The following OPCML variants were observed in gnomAD, a reference collection of about 807,000 sequenced individuals.
OPCML encodes the protein opioid binding protein/cell adhesion molecule like, also known as opioid-binding protein/cell adhesion molecule.
A neutral mutation model predicts 37.8 loss-of-function variants in OPCML; 13 were observed. The ratio of observed to expected loss-of-function variants is 0.34; its 90% CI spans 0.22 to 0.55. The LOEUF (loss-of-function observed/expected upper bound fraction) is 0.55, where lower values mean the gene tolerates loss of function less well. OPCML is among the 20% of genes least tolerant of loss of function. The probability of loss-of-function intolerance (pLI) is 0.91; values close to 1 mark genes in which losing one functional copy is unlikely to be tolerated. For missense variants in OPCML, 341 were observed against 435.6 expected (o/e 0.78, Z 1.93); for synonymous variants, 176 against 168.8 (o/e 1.04, Z -0.33).
chr11:133,488,213 A>T (rs1170175227), intron 1 of OPCML, among the ~76,000 whole-genome samples: 2 of 152,116 alleles, frequency 1.3e-5, no homozygotes, highest in Admixed American at 1.3e-4. Flanking sequence ...CAAGACAAAG[A>T]TACCCACTTT....
At chr11:132,986,769 T>C (rs1946688631) in intron 1 of OPCML, among the ~76,000 whole-genome samples, 1 of 152,202 alleles carries the variant, frequency 6.6e-6, no homozygotes, top group Non-Finnish European at 1.5e-5. Context: ...AATCGAGAGT[T>C]AATTACCATC....
intron 1 of OPCML, among the ~76,000 whole-genome samples, chr11:133,261,705 G>A (rs954021661): frequency 6.6e-6 from 1 of 152,344 alleles, no homozygotes. Flanking sequence ...CTTGGTTGAA[G>A]GAAGAGAGGG....
intron 1 of OPCML, among the ~76,000 whole-genome samples, chr11:133,310,605 G>A (rs1943046202): frequency 6.6e-6 from 1 of 152,046 alleles, no homozygotes; most frequent in Non-Finnish European, 1.5e-5. Flanking sequence ...TTCCCAGCAG[G>A]CCGTTTCCAG....
At chr11:132,610,958 G>A (rs2137842342) in intron 3 of OPCML, among the ~76,000 whole-genome samples, 1 of 152,278 alleles carries the variant, frequency 6.6e-6, no homozygotes, top group Middle Eastern at 3.4e-3. Context: ...CCCATGGTGA[G>A]CAATGGCTTC....
intron 4 of OPCML, among the ~76,000 whole-genome samples, chr11:132,470,508 C>CAA (rs1185446339): frequency 6.6e-6 from 1 of 152,172 alleles, no homozygotes; most frequent in Non-Finnish European, 1.5e-5. Flanking sequence ...ATCTACTAGA[C>CAA]ACTCAATAGA....
chr11:132,882,460 T>C (rs1432864892), intron 2 of OPCML, among the ~76,000 whole-genome samples: 1 of 152,210 alleles, frequency 6.6e-6, no homozygotes, highest in Non-Finnish European at 1.5e-5. Context: ...CCGTCATTTG[T>C]GTCCCATCCT....
intron 1 of OPCML, among the ~76,000 whole-genome samples, chr11:133,029,284 G>C (rs1270363615): frequency 6.6e-6 from 1 of 152,196 alleles, no homozygotes; most frequent in Non-Finnish European, 1.5e-5. Context: ...ATGCAAATTA[G>C]TTAAGCCCCT....
Position 133,034,308 on chromosome 11 carries a change from G to GGGGTGTGTGT in OPCML, c.62-91299_62-91298insACACACACCC, listed in dbSNP as rs1555079919. 3.1e-4 allele frequency among the ~76,000 whole-genome samples: 45 copies of GGGGTGTGTGT among 143,436 alleles called. 1 individual carries two copies. The highest frequency in any genetic ancestry group is 1.1e-3 in the Admixed American group (16 of 14,234). The allele number at this position is 143,436 out of a possible 152,430, so 94.1% of individuals were successfully genotyped here. On this transcript the variant is annotated intron_variant, in intron 1 of 7. Coordinates refer to ENST00000524381, the MANE Select transcript of OPCML (RefSeq NM_001012393.5). ...CCAGAAGAGTAGCTCTGTATGTATA[G>GGGGTGTGTGT]GTGTGTGTGTGTGTGTGTGTGTGTG...
At chr11:132,987,494 G>A (rs953353882) in intron 1 of OPCML, among the ~76,000 whole-genome samples, 4 of 152,110 alleles carry the variant, frequency 2.6e-5, no homozygotes, top group African/African-American at 9.7e-5. Context: ...TTTGTGAAAG[G>A]CCCCATTGCG....
chr11:133,484,075 TAGA>T (rs1185091131), intron 1 of OPCML, among the ~76,000 whole-genome samples: 2,656 of 147,588 alleles, frequency 0.018, 106 homozygotes, highest in African/African-American at 0.064. Flanking sequence ...GATAGATAGA[TAGA>T]TAGATTCATA....
intron 3 of OPCML, among the ~76,000 whole-genome samples, chr11:132,648,651 G>T (rs1394625634): frequency 6.6e-6 from 1 of 151,640 alleles, no homozygotes; most frequent in Middle Eastern, 3.2e-3. Context: ...ACGGGCGCAC[G>T]CCACCATGCC....
At chr11:133,466,060 T>A in intron 1 of OPCML, among the ~76,000 whole-genome samples, 1 of 152,254 alleles carries the variant, frequency 6.6e-6, no homozygotes, top group East Asian at 1.9e-4. Flanking sequence ...CATAACATTA[T>A]ATATTTGGCT....
intron 2 of OPCML, among the ~76,000 whole-genome samples, chr11:132,675,607 G>A (rs1942669110): frequency 6.6e-6 from 1 of 151,916 alleles, no homozygotes; most frequent in South Asian, 2.1e-4. Context: ...CAGAACACAA[G>A]ATCAATATAT....
intron 1 of OPCML, chr11:133,004,245 G>A (rs751498651): frequency 4.1e-6 from 4 of 985,326 alleles, no homozygotes; most frequent in Admixed American, 6.1e-5. Flanking sequence ...CCCTGGGGAC[G>A]TAACTGCCTC....
chr11:132,594,236 G>A (rs1399801453), intron 3 of OPCML, among the ~76,000 whole-genome samples: 1 of 152,164 alleles, frequency 6.6e-6, no homozygotes, highest in Non-Finnish European at 1.5e-5. Context: ...GGTCATAAGT[G>A]CTGAAGTAGA....
At chr11:132,437,641 G>A (rs533907416) in intron 4 of OPCML, among the ~76,000 whole-genome samples, 2 of 152,216 alleles carry the variant, frequency 1.3e-5, no homozygotes, top group East Asian at 3.9e-4. Context: ...TATGATTATT[G>A]TGATAATTAA....
At chr11:132,647,914 A>G (rs1340308576) in intron 3 of OPCML, among the ~76,000 whole-genome samples, 1 of 152,140 alleles carries the variant, frequency 6.6e-6, no homozygotes, top group Non-Finnish European at 1.5e-5. Flanking sequence ...TATAGAGGAG[A>G]AATTTAGTGA....
At chr11:133,476,864 A>C (rs142004336) in intron 1 of OPCML, among the ~76,000 whole-genome samples, 16 of 152,312 alleles carry the variant, frequency 1.1e-4, no homozygotes, top group African/African-American at 3.8e-4. Context: ...CCTCCCAGGA[A>C]CCTGTCTAAA....
At chr11:132,519,320 A>G (rs1486804451) in intron 4 of OPCML, among the ~76,000 whole-genome samples, 2 of 152,042 alleles carry the variant, frequency 1.3e-5, no homozygotes, top group African/African-American at 4.8e-5. Context: ...TTCCAGTGTT[A>G]GGTTAGCACT....
Sources: gnomAD v4.1 joint callset for allele counts (sites outside exome capture counted in the v4.1 genomes callset) on GRCh38, gnomAD v4.1.1 for gene constraint, MANE v1.5 for transcripts, NCBI Gene and HGNC (gene_info 2026-07-23, HGNC 2026-07-21) for gene names.